Variants in NEBL observed in about 807,000 individuals in gnomAD.
NEBL encodes the protein nebulette.
Under a neutral mutation model 140.2 loss-of-function variants are expected in NEBL, and 122 were observed. The observed-to-expected ratio is 0.87, with a 90% CI of 0.75 to 1.01. The LOEUF (loss-of-function observed/expected upper bound fraction) is 1.01, where lower values mean the gene tolerates loss of function less well. Ranked by LOEUF, NEBL falls within the 50% of genes least tolerant of loss-of-function variation. The pLI is 0.00. For missense variants in NEBL, 1,365 were observed against 1,231.3 expected, an observed-to-expected ratio of 1.11 and a Z score of -1.62; for synonymous variants, 436 against 398.9, an observed-to-expected ratio of 1.09 and a Z score of -1.11.
chr10:20,842,733 G>A (rs755054846), intron 12 of NEBL, among the ~76,000 whole-genome samples: 25 of 151,682 alleles, frequency 1.6e-4, no homozygotes, highest in Admixed American at 2.6e-4. Flanking sequence ...TTTTCGTGGC[G>A]AGAACATTTG....
intron 1 of NEBL, among the ~76,000 whole-genome samples, chr10:21,269,845 C>T (rs955608441): frequency 5.3e-5 from 8 of 152,192 alleles, no homozygotes; most frequent in Non-Finnish European, 5.9e-5. Flanking sequence ...AGCTCTCTGC[C>T]ACCTTCTATT....
chr10:21,061,603 A>C (rs2131880761), intron 2 of NEBL, among the ~76,000 whole-genome samples: 1 of 150,940 alleles, frequency 6.6e-6, no homozygotes, highest in African/African-American at 2.4e-5. Context: ...ACCTAAACTT[A>C]TCTGACGTTG....
chr10:21,125,848 T>C (rs761104830), intron 2 of NEBL: 16 of 1,612,612 alleles, frequency 9.9e-6, no homozygotes, highest in Non-Finnish European at 1.3e-5. Flanking sequence ...TTTCAGCACC[T>C]TCTTAGATAC....
intron 3 of NEBL, among the ~76,000 whole-genome samples, chr10:21,203,974 C>G (rs532732768): frequency 6.6e-6 from 1 of 152,134 alleles, no homozygotes; most frequent in Non-Finnish European, 1.5e-5. Flanking sequence ...AGGAATAAGT[C>G]CATTGGAATA....
chr10:21,182,091 A>G (rs1589318684), intron 3 of NEBL, among the ~76,000 whole-genome samples: 4 of 152,216 alleles, frequency 2.6e-5, no homozygotes, highest in African/African-American at 9.6e-5. Flanking sequence ...GCTAAGACTC[A>G]TTTTAAAAAA....
chr10:20,878,006 A>T (rs1845669770), intron 5 of NEBL, among the ~76,000 whole-genome samples: 1 of 152,340 alleles, frequency 6.6e-6, no homozygotes, highest in East Asian at 1.9e-4. Context: ...AACCTCAGGT[A>T]CTACCCCAGA....
intron 2 of NEBL, among the ~76,000 whole-genome samples, chr10:20,891,681 A>C (rs544757814): frequency 6.0e-4 from 91 of 151,058 alleles, no homozygotes; most frequent in Non-Finnish European, 1.2e-3. Flanking sequence ...TGTAGACTCT[A>C]TTTTTTTTTC....
intron 2 of NEBL, among the ~76,000 whole-genome samples, chr10:21,065,753 C>T (rs1280923158): frequency 5.3e-5 from 8 of 152,194 alleles, no homozygotes; most frequent in Non-Finnish European, 8.8e-5. Flanking sequence ...GCCCCAGGGG[C>T]TGTGAGCAGA....
upstream of NEBL, among the ~76,000 whole-genome samples, chr10:20,900,477 A>G (rs1232666792): frequency 6.6e-6 from 1 of 151,964 alleles, no homozygotes; most frequent in African/African-American, 2.4e-5. Context: ...CAGGAGTTCG[A>G]GACCAGCCTG....
chr10:21,110,522 T>C (rs1837949062), intron 2 of NEBL, among the ~76,000 whole-genome samples: 2 of 152,142 alleles, frequency 1.3e-5, no homozygotes, highest in South Asian at 4.1e-4. Context: ...TGGTTCTTTG[T>C]TCCCTATCTT....
At chr10:21,057,353 G>C (rs1835068908) in intron 2 of NEBL, among the ~76,000 whole-genome samples, 1 of 151,768 alleles carries the variant, frequency 6.6e-6, no homozygotes, top group Admixed American at 6.6e-5. Context: ...AAACAAAAAA[G>C]CAAGATGTGG....
intron 4 of NEBL, among the ~76,000 whole-genome samples, chr10:20,939,418 A>G (rs1229205259): frequency 6.6e-6 from 1 of 152,224 alleles, no homozygotes; most frequent in African/African-American, 2.4e-5. Flanking sequence ...CTGCCCTAAA[A>G]GAGCTCCTGA....
At chr10:20,972,032 G>A (rs1373439424) in intron 3 of NEBL, among the ~76,000 whole-genome samples, 1 of 152,188 alleles carries the variant, frequency 6.6e-6, no homozygotes, top group Non-Finnish European at 1.5e-5. Flanking sequence ...GAATTATAAA[G>A]TATTACGAAA....
chr10:21,082,535 T>TAAAAAAAAAAAAAAAAAAAAAAAA (rs61234594), intron 2 of NEBL, among the ~76,000 whole-genome samples: 4 of 117,306 alleles, frequency 3.4e-5, no homozygotes, highest in African/African-American at 1.2e-4. Flanking sequence ...CCACCACCAC[T>TAAAAAAAAAAAAAAAAAAAAAAAA]AAAAAAAAAA....
chr10:20,878,147 A>G (rs1305495134), intron 5 of NEBL, among the ~76,000 whole-genome samples: 1 of 152,116 alleles, frequency 6.6e-6, no homozygotes, highest in Non-Finnish European at 1.5e-5. Flanking sequence ...GAACTCCATT[A>G]CTCAGAGGTG....
chr10:21,002,765 G>A (rs1837960237), intron 3 of NEBL, among the ~76,000 whole-genome samples: 1 of 152,068 alleles, frequency 6.6e-6, no homozygotes, highest in African/African-American at 2.4e-5. Flanking sequence ...ACCATCACGA[G>A]AACAACAAGG....
intron 21 of NEBL, 38 bp downstream of exon 21, chr10:20,817,562 T>G: frequency 6.8e-7 from 1 of 1,469,522 alleles, no homozygotes; most frequent in Non-Finnish European, 9.5e-7. Flanking sequence ...GACAATGCAT[T>G]TGATAGTGTA....
intron 4 of NEBL, among the ~76,000 whole-genome samples, chr10:20,936,555 G>A (rs147820681): frequency 6.6e-6 from 1 of 152,170 alleles, no homozygotes; most frequent in Non-Finnish European, 1.5e-5. Context: ...TTACAATTAG[G>A]TCTGGCCTTA....
rs553634461 is a variant in NEBL at position 20,962,218 on chromosome 10, T to C, written c.250-439A>G. Among the ~76,000 whole-genome samples, 3 of 152,348 alleles carry C rather than the reference T, an allele frequency of 2.0e-5. No homozygotes were observed. In the East Asian group the frequency reaches 5.8e-4, roughly 29 times the overall value. The stretch of plus-strand genomic sequence containing the variant: ...AGAAAGCTAAATCTTCTTCTCCTCC[T>C]GTGCCCGCCTGTCAGTGAAAAAGCC... On this transcript the variant is annotated intron_variant, in intron 3 of 6. Transcript: ENST00000417816.
Sources: gnomAD v4.1 joint callset for allele counts (sites outside exome capture counted in the v4.1 genomes callset) on GRCh38, gnomAD v4.1.1 for gene constraint, MANE v1.5 for transcripts, NCBI Gene and HGNC (gene_info 2026-07-23, HGNC 2026-07-21) for gene names.